SYTL5: variants seen among roughly 807,000 people sequenced by gnomAD.
SYTL5 encodes the protein synaptotagmin-like protein 5.
SYTL5 carries 34 observed loss-of-function variants against 55.9 expected under a neutral mutation model. The ratio of observed to expected loss-of-function variants is 0.61; its 90% CI spans 0.46 to 0.81. The LOEUF (loss-of-function observed/expected upper bound fraction) is 0.81, where lower values mean the gene tolerates loss of function less well. SYTL5 is among the 30% of genes least tolerant of loss of function. The pLI, the probability that SYTL5 is intolerant of heterozygous loss-of-function variation, is 0.00. For missense variants in SYTL5, 637 were observed against 546.7 expected (o/e 1.17, Z -1.65); for synonymous variants, 221 against 188.7 (o/e 1.17, Z -1.40).
At chrX:38,048,459 G>T (rs1393109454) in intron 2 of SYTL5, among the ~76,000 whole-genome samples, 1 of 105,926 alleles carries the variant, frequency 9.4e-6, no homozygotes, top group Non-Finnish European at 1.9e-5. Context: ...TATTCTACTG[G>T]CACCACTTTA....
rs1037474222 is a variant in SYTL5 at position 38,104,724 on chromosome X, T to C, written c.1156-1869T>C. 5.4e-5 allele frequency among the ~76,000 whole-genome samples: 6 copies of C among 112,055 alleles called. No homozygotes were observed. The Admixed American group carries it at 5.7e-4, about 11-fold the overall frequency. On this transcript the variant is annotated intron_variant, in intron 10 of 16. Transcript: ENST00000297875. ...TACCATAGTCTTGACTTCCCAGTGG[T>C]TCACAGAAAAGTGGTTTTGAAACTA...
the SYTL5 span, among the ~76,000 whole-genome samples, chrX:37,904,271 G>T: frequency 5.7e-5 from 6 of 105,017 alleles, no homozygotes; most frequent in Non-Finnish European, 1.2e-4. Flanking sequence ...GGTCCGGGGG[G>T]GGGGGTGATA....
At chrX:38,039,507 A>G (rs1261310580) in intron 2 of SYTL5, among the ~76,000 whole-genome samples, 2 of 112,269 alleles carry the variant, frequency 1.8e-5, no homozygotes, top group African/African-American at 6.5e-5. Flanking sequence ...CTACTCCAAA[A>G]AAATCTCATT....
chrX:38,123,683 G>A (rs757481639), intron 15 of SYTL5, among the ~76,000 whole-genome samples: 6 of 112,188 alleles, frequency 5.3e-5, no homozygotes, highest in East Asian at 2.8e-4. Context: ...ACCTTGCAAC[G>A]GTACTTGACA....
chrX:38,110,508 G>C, intron 13 of SYTL5, 26 bp downstream of exon 13: 1 of 1,110,536 alleles, frequency 9.0e-7, no homozygotes. Flanking sequence ...AGATTAGTCA[G>C]TTATGCAATG....
intron 6 of SYTL5, among the ~76,000 whole-genome samples, chrX:38,081,781 C>G (rs1172998768): frequency 8.9e-6 from 1 of 111,782 alleles, no homozygotes. Flanking sequence ...ATTTTTACAG[C>G]AGCTCTTTGT....
chrX:37,978,033 C>T, the SYTL5 span, among the ~76,000 whole-genome samples: 1 of 111,648 alleles, frequency 9.0e-6, no homozygotes, highest in African/African-American at 3.2e-5. Flanking sequence ...TGGAGTCAGT[C>T]TCTTTATTTC....
chrX:38,034,326 G>T (rs1171609800), intron 2 of SYTL5, among the ~76,000 whole-genome samples: 1 of 112,363 alleles, frequency 8.9e-6, no homozygotes, highest in Non-Finnish European at 1.9e-5. Context: ...GTGACTTTGA[G>T]CAAGCTACTC....
At chrX:38,017,105 C>T (rs1471355825) in intron 1 of SYTL5, among the ~76,000 whole-genome samples, 4 of 110,810 alleles carry the variant, frequency 3.6e-5, no homozygotes, top group African/African-American at 1.3e-4. Context: ...TTTTTTGATG[C>T]GAGAGGTTGC....
At chrX:38,023,310 C>G (rs1353176720) in intron 1 of SYTL5, among the ~76,000 whole-genome samples, 2 of 111,899 alleles carry the variant, frequency 1.8e-5, no homozygotes, top group African/African-American at 6.5e-5. Flanking sequence ...GCTTCTTACT[C>G]TAGTCAGTCA....
intron 2 of SYTL5, among the ~76,000 whole-genome samples, chrX:38,048,702 A>G (rs1251451590): frequency 1.8e-5 from 2 of 110,435 alleles, no homozygotes; most frequent in East Asian, 5.7e-4. Context: ...TCTCACTATC[A>G]TGAGAATGGC....
intron 8 of SYTL5, 59 bp from the exon 9 acceptor site, chrX:38,096,075 T>C (rs1936929233): frequency 1.6e-6 from 1 of 618,335 alleles, no homozygotes; most frequent in Admixed American, 3.2e-5. Context: ...GAATAAAAAA[T>C]GAAATCTTCT....
intron 6 of SYTL5, among the ~76,000 whole-genome samples, chrX:38,084,832 ATGAATGGGCTGCC>A (rs1230351142): frequency 8.9e-6 from 1 of 111,765 alleles, no homozygotes; most frequent in Non-Finnish European, 1.9e-5. Flanking sequence ...CAGTACATGA[ATGAATGGGCTGCC>A]TGAATTCCAG....
chrX:37,978,647 A>T, the SYTL5 span, among the ~76,000 whole-genome samples: 1 of 112,290 alleles, frequency 8.9e-6, no homozygotes, highest in South Asian at 3.7e-4. Context: ...TGAAATATAG[A>T]CAAGTAGAAA....
chrX:37,990,365 A>G, the SYTL5 span, among the ~76,000 whole-genome samples: 28 of 111,672 alleles, frequency 2.5e-4, no homozygotes, highest in African/African-American at 8.8e-4. Flanking sequence ...TGGAGGCAAA[A>G]CTGGTTTCAT....
the SYTL5 span, among the ~76,000 whole-genome samples, chrX:37,913,468 C>T: frequency 2.7e-5 from 3 of 112,437 alleles, no homozygotes; most frequent in African/African-American, 6.5e-5. Flanking sequence ...TTAATTAAGC[C>T]GTTAGTCCAT....
chrX:38,079,023 A>T (rs961279820), intron 6 of SYTL5, among the ~76,000 whole-genome samples: 5 of 112,187 alleles, frequency 4.5e-5, no homozygotes, highest in African/African-American at 1.6e-4. Flanking sequence ...ACGTGCATTT[A>T]TCACAGTGAT....
intron 3 of SYTL5, among the ~76,000 whole-genome samples, chrX:38,056,534 A>G (rs1368480364): frequency 9.0e-6 from 1 of 110,887 alleles, no homozygotes; most frequent in Non-Finnish European, 1.9e-5. Flanking sequence ...AGTTTAAGGA[A>G]CCTCCAAACC....
At chrX:37,930,612 G>T in the SYTL5 span, among the ~76,000 whole-genome samples, 3 of 112,065 alleles carry the variant, frequency 2.7e-5, no homozygotes, top group Non-Finnish European at 3.8e-5. Context: ...ATCAGGGGAA[G>T]TACATTTTTC....
Sources: gnomAD v4.1 joint callset for allele counts (sites outside exome capture counted in the v4.1 genomes callset) on GRCh38, gnomAD v4.1.1 for gene constraint, MANE v1.5 for transcripts, NCBI Gene and HGNC (gene_info 2026-07-23, HGNC 2026-07-21) for gene names.